The following KIAA1328 variants were observed in gnomAD, a reference collection of about 807,000 sequenced individuals.
KIAA1328 encodes the protein KIAA1328, also known as protein hinderin.
A neutral mutation model predicts 68.1 loss-of-function variants in KIAA1328; 52 were observed. That is an observed-to-expected ratio of 0.76 (90% CI 0.61 to 0.96). KIAA1328 has a LOEUF of 0.96. Ranked by LOEUF, KIAA1328 falls within the 40% of genes least tolerant of loss-of-function variation. KIAA1328 has a pLI of 0.00. For synonymous variants in KIAA1328, 232 were observed against 239.4 expected (o/e 0.97, Z 0.28); for missense variants, 641 against 677.6 (o/e 0.95, Z 0.60).
chr18:36,902,831 C>T (rs1438282430), intron 5 of KIAA1328, among the ~76,000 whole-genome samples: 1 of 152,072 alleles, frequency 6.6e-6, no homozygotes, highest in Non-Finnish European at 1.5e-5. Flanking sequence ...TTGGCATCCT[C>T]TGTGTTGCAT....
At chr18:37,088,524 A>G (rs1048234339) in intron 7 of KIAA1328, among the ~76,000 whole-genome samples, 4 of 152,042 alleles carry the variant, frequency 2.6e-5, no homozygotes, top group Non-Finnish European at 2.9e-5. Flanking sequence ...TATTTTTTAT[A>G]TAGGGACATT....
At chr18:37,079,393 A>T (rs2056867831) in intron 7 of KIAA1328, among the ~76,000 whole-genome samples, 1 of 140,098 alleles carries the variant, frequency 7.1e-6, no homozygotes, top group Admixed American at 7.1e-5. Context: ...TGACGAGTTA[A>T]TGGGTGCAGC....
chr18:36,890,205 A>G (rs1370092289), intron 5 of KIAA1328, among the ~76,000 whole-genome samples: 1 of 150,912 alleles, frequency 6.6e-6, no homozygotes, highest in Non-Finnish European at 1.5e-5. Flanking sequence ...TAAAGGAACT[A>G]GCTTTTTTTT....
intron 6 of KIAA1328, among the ~76,000 whole-genome samples, chr18:37,054,962 G>A (rs949708910): frequency 4.6e-5 from 7 of 152,136 alleles, no homozygotes; most frequent in African/African-American, 7.2e-5. Flanking sequence ...ACTTTATTGT[G>A]TGCCTTCTGT....
chr18:36,850,756 G>A (rs979039672), intron 4 of KIAA1328, among the ~76,000 whole-genome samples: 1 of 152,118 alleles, frequency 6.6e-6, no homozygotes, highest in African/African-American at 2.4e-5. Context: ...CTGGCCAAAG[G>A]ATGATTCATG....
At chr18:37,021,439 T>C (rs1329403289) in intron 6 of KIAA1328, among the ~76,000 whole-genome samples, 1 of 152,192 alleles carries the variant, frequency 6.6e-6, no homozygotes, top group Non-Finnish European at 1.5e-5. Flanking sequence ...AATATGTTCT[T>C]ATAATGAAAC....
At chr18:36,935,913 T>C (rs1220630687) in intron 5 of KIAA1328, among the ~76,000 whole-genome samples, 2 of 152,200 alleles carry the variant, frequency 1.3e-5, no homozygotes, top group Admixed American at 1.3e-4. Context: ...AACTCTATTA[T>C]AATTAGTCCT....
intron 4 of KIAA1328, among the ~76,000 whole-genome samples, chr18:36,875,187 G>GT (rs1447398142): frequency 6.6e-6 from 1 of 152,194 alleles, no homozygotes; most frequent in Non-Finnish European, 1.5e-5. Flanking sequence ...ATTTAAAGTA[G>GT]TTTTTTCTAA....
rs1237019897 is a variant in KIAA1328, at chr18:37,173,082, G to A, written c.1523+1G>A. On this transcript the variant is annotated splice_donor_variant, in intron 9 of 9. Coordinates refer to ENST00000280020, the MANE Select transcript of KIAA1328 (RefSeq NM_020776.3). LOFTEE classifies it high-confidence loss of function. ...CATCATTACAGCACACCACCTCCCG[G>A]TAAGCTTCAGAGATTCTTTAGTTTT... The A allele has an allele frequency of 1.2e-6, 2 of 1,601,560 alleles. No homozygotes were observed. The highest frequency in any genetic ancestry group is 2.2e-5 in the East Asian group (1 of 44,686).
intron 7 of KIAA1328, among the ~76,000 whole-genome samples, chr18:37,102,137 A>G (rs777954615): frequency 5.3e-5 from 8 of 152,222 alleles, no homozygotes; most frequent in Non-Finnish European, 1.2e-4. Flanking sequence ...CCAATAGCAC[A>G]TCATAAAGAT....
At chr18:37,037,119 T>C (rs898874151) in intron 6 of KIAA1328, among the ~76,000 whole-genome samples, 2 of 152,220 alleles carry the variant, frequency 1.3e-5, no homozygotes, top group African/African-American at 4.8e-5. Flanking sequence ...TTCTACAAAC[T>C]GTACTGTTCA....
At chr18:37,105,554 T>C (rs1444148447) in intron 7 of KIAA1328, among the ~76,000 whole-genome samples, 1 of 150,016 alleles carries the variant, frequency 6.7e-6, no homozygotes, top group Admixed American at 6.6e-5. Flanking sequence ...TTGCTATTAA[T>C]TGAATGTTAC....
At chr18:37,074,767 T>C (rs1159086985) in intron 7 of KIAA1328, 3 of 163,906 alleles carry the variant, frequency 1.8e-5, no homozygotes, top group Non-Finnish European at 3.9e-5. Flanking sequence ...AGTAGTTTGA[T>C]CATCTGAATC....
rs558583863 is a variant in KIAA1328, at chr18:37,200,564, C to A, written c.1524-21453C>A. Among the ~76,000 whole-genome samples, 10 of 152,164 alleles carry A rather than the reference C, an allele frequency of 6.6e-5. No homozygotes were observed. In the South Asian group the frequency reaches 2.1e-3, roughly 32 times the overall value. On this transcript the variant is annotated intron_variant, in intron 9 of 9. Coordinates refer to ENST00000280020, the MANE Select transcript of KIAA1328 (RefSeq NM_020776.3). Reference sequence around the variant, plus strand: ...CGGTGGCTCACGCCTGTAATCCCAGCACTTTGGGAGGCCGAGGCGGGTGGA... The same window carrying A: ...CGGTGGCTCACGCCTGTAATCCCAGAACTTTGGGAGGCCGAGGCGGGTGGA...
intron 4 of KIAA1328, among the ~76,000 whole-genome samples, chr18:36,878,394 A>T (rs2048213495): frequency 6.6e-6 from 1 of 152,148 alleles, no homozygotes; most frequent in African/African-American, 2.4e-5. Context: ...TGTTAGTCTG[A>T]TGGGCTTCTC....
chr18:36,966,974 C>T lies in KIAA1328; in HGVS notation c.576+7539C>T, dbSNP rs540594965. Reference sequence around the variant, plus strand: ...AGAATAGCCAAAACAATTTTGAGAACGATGAGAAGAGTAGAGGGTTACTCT... The same window carrying T: ...AGAATAGCCAAAACAATTTTGAGAATGATGAGAAGAGTAGAGGGTTACTCT... On this transcript the variant is annotated intron_variant, in intron 6 of 9. Coordinates refer to ENST00000280020, the MANE Select transcript of KIAA1328 (RefSeq NM_020776.3). Among the ~76,000 whole-genome samples the T allele has an allele frequency of 6.6e-5, 10 of 152,176 alleles. No individual in the cohort carries two copies. The East Asian group carries it at 7.7e-4, about 12-fold the overall frequency.
At chr18:36,852,424 G>A (rs1041287021) in intron 4 of KIAA1328, among the ~76,000 whole-genome samples, 8 of 152,156 alleles carry the variant, frequency 5.3e-5, no homozygotes, top group Non-Finnish European at 1.2e-4. Context: ...CAGAATGTTA[G>A]CAAACTGACA....
intron 6 of KIAA1328, among the ~76,000 whole-genome samples, chr18:37,060,994 A>G (rs1199106734): frequency 6.6e-6 from 1 of 152,192 alleles, no homozygotes; most frequent in African/African-American, 2.4e-5. Context: ...GTGTGCCTGT[A>G]GTCCCAGCTA....
rs186316377 is a variant in KIAA1328, at chr18:37,197,466, A to G, written c.1523+24385A>G. On this transcript the variant is annotated intron_variant, in intron 9 of 9. Transcript: ENST00000280020. Reference sequence around the variant, plus strand: ...CCTGTTGCCACTATGGCCATTTTCCATTCCATATATGGGATATTAGTCCCA... The same window carrying G: ...CCTGTTGCCACTATGGCCATTTTCCGTTCCATATATGGGATATTAGTCCCA... 2.0e-5 allele frequency among the ~76,000 whole-genome samples: 3 copies of G among 152,246 alleles called. No individual in the cohort carries two copies. The East Asian group carries it at 5.8e-4, about 29-fold the overall frequency.
Sources: gnomAD v4.1 joint callset for allele counts (sites outside exome capture counted in the v4.1 genomes callset) on GRCh38, gnomAD v4.1.1 for gene constraint, MANE v1.5 for transcripts, NCBI Gene and HGNC (gene_info 2026-07-23, HGNC 2026-07-21) for gene names.